The following CLYBL variants were observed in gnomAD, a reference collection of about 807,000 sequenced individuals.
CLYBL encodes the protein citramalyl-CoA lyase, mitochondrial.
A neutral mutation model predicts 38.9 loss-of-function variants in CLYBL; 31 were observed. That is an observed-to-expected ratio of 0.80 (90% CI 0.60 to 1.08). The LOEUF is 1.08. Ranked by LOEUF, CLYBL falls within the 50% of genes least tolerant of loss-of-function variation. CLYBL has a pLI of 0.00. For synonymous variants in CLYBL, 171 were observed against 158.6 expected, an observed-to-expected ratio of 1.08 and a Z score of -0.59; for missense variants, 434 against 411.6, an observed-to-expected ratio of 1.05 and a Z score of -0.47.
intron 1 of CLYBL, among the ~76,000 whole-genome samples, chr13:99,636,481 T>C (rs965906002): frequency 6.6e-6 from 1 of 152,138 alleles, no homozygotes; most frequent in Non-Finnish European, 1.5e-5. Flanking sequence ...CAGTGCCTTC[T>C]GCACAGGTTC....
chr13:99,807,039 C>G (rs1308432876), intron 2 of CLYBL, among the ~76,000 whole-genome samples: 1 of 152,178 alleles, frequency 6.6e-6, no homozygotes, highest in Non-Finnish European at 1.5e-5. Flanking sequence ...CCAGTTAGAG[C>G]TGGTGTTCAC....
At chr13:99,636,596 C>A (rs2047021312) in intron 1 of CLYBL, among the ~76,000 whole-genome samples, 1 of 152,184 alleles carries the variant, frequency 6.6e-6, no homozygotes, top group Non-Finnish European at 1.5e-5. Context: ...TGAGTATCAG[C>A]CACTACATTC....
intron 1 of CLYBL, among the ~76,000 whole-genome samples, chr13:99,680,722 C>T (rs1299071637): frequency 6.6e-6 from 1 of 152,154 alleles, no homozygotes; most frequent in Admixed American, 6.5e-5. Flanking sequence ...TATGGAATAC[C>T]TATGCTCCAT....
chr13:99,679,923 G>A (rs572331971), intron 1 of CLYBL, among the ~76,000 whole-genome samples: 1 of 152,190 alleles, frequency 6.6e-6, no homozygotes, highest in South Asian at 2.1e-4. Flanking sequence ...AGCTATGTAT[G>A]TTACTGTCTA....
At chr13:99,870,542 G>T (rs1486417800) in intron 6 of CLYBL, among the ~76,000 whole-genome samples, 3 of 152,152 alleles carry the variant, frequency 2.0e-5, no homozygotes, top group Non-Finnish European at 4.4e-5. Context: ...AAATTTGAGA[G>T]AATTCTCATT....
chr13:99,770,472 C>A (rs2049364535), intron 1 of CLYBL, among the ~76,000 whole-genome samples: 2 of 152,260 alleles, frequency 1.3e-5, no homozygotes, highest in South Asian at 4.1e-4. Flanking sequence ...CGCCCGCCAC[C>A]ACGCCTGGCT....
intron 1 of CLYBL, among the ~76,000 whole-genome samples, chr13:99,648,306 G>A (rs970653946): frequency 6.6e-6 from 1 of 152,128 alleles, no homozygotes; most frequent in Non-Finnish European, 1.5e-5. Flanking sequence ...AAATCTCAAC[G>A]CCATGGACTA....
At chr13:99,631,331 A>G (rs142049513) in intron 1 of CLYBL, among the ~76,000 whole-genome samples, 26 of 145,192 alleles carry the variant, frequency 1.8e-4, no homozygotes, top group Non-Finnish European at 3.0e-4. Context: ...CCAAATATTT[A>G]TGTGTGTGTG....
intron 1 of CLYBL, among the ~76,000 whole-genome samples, chr13:99,685,339 A>G (rs941635897): frequency 6.6e-6 from 1 of 152,232 alleles, no homozygotes; most frequent in Admixed American, 6.5e-5. Context: ...GAAAAAATAC[A>G]GTAGAACTAA....
chr13:99,714,268 A>C (rs1032698040), intron 1 of CLYBL, among the ~76,000 whole-genome samples: 1 of 151,854 alleles, frequency 6.6e-6, no homozygotes, highest in African/African-American at 2.4e-5. Context: ...TTATCTTTCA[A>C]GTTGATAACT....
chr13:99,812,586 G>A (rs530838554), intron 2 of CLYBL, among the ~76,000 whole-genome samples: 2 of 152,296 alleles, frequency 1.3e-5, no homozygotes, highest in Non-Finnish European at 2.9e-5. Flanking sequence ...CACACTTCCG[G>A]TTTTCAGATT....
At chr13:99,721,670 A>G (rs1385849595) in intron 1 of CLYBL, among the ~76,000 whole-genome samples, 3 of 125,872 alleles carry the variant, frequency 2.4e-5, no homozygotes, top group African/African-American at 6.2e-5. Flanking sequence ...TATTCTTTCA[A>G]TGGTTACTGT....
rs1419248982 is a variant in CLYBL, at chr13:99,752,810, AGAAGGACCGTGGGGTC to A, written c.63-20013_63-19998del. On this transcript the variant is annotated intron_variant, in intron 1 of 8. Transcript: ENST00000339105. ...TCTCCCTAGCTTTCAAAGGATGTGG[AGAAGGACCGTGGGGTC>A]TCTGCCTCCACCCCCACCAAACAGG... 6.6e-5 allele frequency among the ~76,000 whole-genome samples: 10 copies of A among 152,222 alleles called. No homozygotes were observed. The East Asian group carries it at 1.9e-3, about 30-fold the overall frequency.
intron 1 of CLYBL, among the ~76,000 whole-genome samples, chr13:99,655,528 G>T (rs2047318170): frequency 6.6e-6 from 1 of 152,270 alleles, no homozygotes; most frequent in African/African-American, 2.4e-5. Context: ...CCCAGGCTGT[G>T]TTGCCACCTT....
In CLYBL at chr13:99,832,853, G is replaced by A. The variant is rs530531384; in HGVS notation, c.250-26008G>A. Among the ~76,000 whole-genome samples the A allele has an allele frequency of 2.7e-5, 4 of 148,090 alleles. No individual in the cohort carries two copies. The South Asian group carries it at 8.8e-4, about 32-fold the overall frequency. On this transcript the variant is annotated intron_variant, in intron 2 of 8. Transcript: ENST00000339105. Reference sequence around the variant, plus strand: ...ATCTGTTAAAGGGAAAAAAAAGAAAGAAAAGGAGGGGAGAGAAGGAAGAAA... The same window carrying A: ...ATCTGTTAAAGGGAAAAAAAAGAAAAAAAAGGAGGGGAGAGAAGGAAGAAA...
chr13:99,679,611 G>T (rs2047704529), intron 1 of CLYBL, among the ~76,000 whole-genome samples: 1 of 152,062 alleles, frequency 6.6e-6, no homozygotes, highest in African/African-American at 2.4e-5. Context: ...TATGTAGAGG[G>T]TGGTGAAGCA....
intron 2 of CLYBL, among the ~76,000 whole-genome samples, chr13:99,798,902 C>T (rs2050074371): frequency 6.6e-6 from 1 of 152,218 alleles, no homozygotes; most frequent in South Asian, 2.1e-4. Context: ...TTTTTAAATC[C>T]TGGGAAACAT....
At chr13:99,665,534 T>C (rs1478275332) in intron 1 of CLYBL, among the ~76,000 whole-genome samples, 2 of 151,986 alleles carry the variant, frequency 1.3e-5, no homozygotes, top group Non-Finnish European at 2.9e-5. Flanking sequence ...AAAAAAATTA[T>C]TAAACTTTTA....
chr13:99,695,635 T>A (rs2047968047), intron 1 of CLYBL, among the ~76,000 whole-genome samples: 1 of 152,142 alleles, frequency 6.6e-6, no homozygotes, highest in Non-Finnish European at 1.5e-5. Context: ...TTCTCCTGCC[T>A]CAGCCTCCCA....
Sources: allele counts gnomAD v4.1 joint callset (sites outside exome capture counted in the v4.1 genomes callset), GRCh38; gene constraint gnomAD v4.1.1; transcripts MANE v1.5; gene names NCBI Gene and HGNC (gene_info 2026-07-23, HGNC 2026-07-21).